Variants in ASIC5 observed in about 807,000 individuals in gnomAD.
ASIC5 encodes acid sensing ion channel subunit family member 5, also known as bile acid-sensitive ion channel.
ASIC5 carries 52 observed loss-of-function variants against 51.2 expected under a neutral mutation model. The ratio of observed to expected loss-of-function variants is 1.02; its 90% CI spans 0.81 to 1.28. The LOEUF (loss-of-function observed/expected upper bound fraction) is 1.28. Ranked by LOEUF, ASIC5 falls within the 50% of genes most tolerant of loss-of-function variation. ASIC5 has a pLI of 0.00. For synonymous variants in ASIC5, 231 were observed against 200.7 expected (o/e 1.15, Z -1.28); for missense variants, 635 against 595.0 (o/e 1.07, Z -0.70).
chr4:155,838,764 G>C (rs1394229856), intron 7 of ASIC5, 49 bp downstream of exon 7: 3 of 1,150,696 alleles, frequency 2.6e-6, no homozygotes, highest in African/African-American at 3.1e-5. Context: ...ATATTACTTT[G>C]AGCAACTTTA....
At chr4:155,847,066 G>A (rs1042193435) in intron 4 of ASIC5, among the ~76,000 whole-genome samples, 6 of 152,018 alleles carry the variant, frequency 3.9e-5, no homozygotes, top group Non-Finnish European at 8.8e-5. Flanking sequence ...ATGACTGGTT[G>A]TTTAAGAAAG....
chr4:155,843,638 G>A (rs775903830), intron 5 of ASIC5, 43 bp downstream of exon 5: 1 of 1,600,788 alleles, frequency 6.2e-7, no homozygotes, highest in East Asian at 2.2e-5. Flanking sequence ...TGTGTTTGAT[G>A]CATTCACTAC....
intron 4 of ASIC5, among the ~76,000 whole-genome samples, chr4:155,848,539 G>A: frequency 6.6e-6 from 1 of 151,986 alleles, no homozygotes; most frequent in East Asian, 1.9e-4. Context: ...TAATTGTTAT[G>A]TTAAAATTAT....
intron 4 of ASIC5, among the ~76,000 whole-genome samples, chr4:155,849,102 C>T (rs1259243705): frequency 1.3e-5 from 2 of 152,042 alleles, no homozygotes; most frequent in African/African-American, 4.8e-5. Flanking sequence ...TTTACCAAGG[C>T]TTTTACTGGA....
rs377521529 is a variant in ASIC5 at position 155,836,816 on chromosome 4, T to A, written c.1108A>T (p.Asn370Tyr). ...TCACAAGAAACGGGGCAGCTAGAGT[T>A]ATGTGTTCCTACTGTACATAAATCC... ...FKDLCTVGTH[N>Y]SSCPVSCEEI... The change falls in exon 8 of 10, where the codon AAC becomes TAC. Residue 370 changes from asparagine to tyrosine, a missense_variant. By Grantham distance (143) the Asn-to-Tyr change is moderately radical. Transcript: ENST00000537611. 3.5e-5 allele frequency: 56 copies of A among 1,610,318 alleles called. No homozygotes were observed. In the African/African-American group the frequency reaches 7.1e-4, roughly 20 times the overall value.
At chr4:155,830,982 A>T (rs1740859015) in intron 9 of ASIC5, among the ~76,000 whole-genome samples, 1 of 152,160 alleles carries the variant, frequency 6.6e-6, no homozygotes, top group South Asian at 2.1e-4. Flanking sequence ...CTCAGCTGTG[A>T]TGTCTGACTG....
chr4:155,829,862 C>T lies in ASIC5; in HGVS notation c.1512G>A (p.Glu504=). 5 of 1,553,556 alleles carry T rather than the reference C, an allele frequency of 3.2e-6. No individual in the cohort carries two copies. Among genetic ancestry groups the T allele is most frequent in the South Asian group, 1.3e-5 (1 of 79,482 alleles). ...ATTTTATTCTAAGTGACCATTAACA[C>T]TCCTCTATCCTATTTTTATTTCCCA... ...NHLGNKNRIE[E]C Residue 504 remains glutamate, a synonymous_variant, in exon 10 of 10, where the codon GAG becomes GAA. Transcript: ENST00000537611.
chr4:155,852,166 C>G, intron 4 of ASIC5, 25 bp downstream of exon 4: 3 of 1,611,498 alleles, frequency 1.9e-6, no homozygotes, highest in Non-Finnish European at 1.7e-6. Flanking sequence ...TCTCGTTTGT[C>G]TTGAACCTGG....
intron 4 of ASIC5, among the ~76,000 whole-genome samples, chr4:155,849,567 A>G (rs1221534718): frequency 6.6e-6 from 1 of 152,056 alleles, no homozygotes; most frequent in East Asian, 1.9e-4. Flanking sequence ...GAGAAGAGAG[A>G]AAAATTATGT....
In ASIC5 at chr4:155,838,881, T is replaced by C. The variant is rs1741053688; in HGVS notation, c.1010-12A>G. On this transcript the variant is annotated splice_polypyrimidine_tract_variant and intron_variant, in intron 6 of 9. Coordinates refer to ENST00000537611, the MANE Select transcript of ASIC5 (RefSeq NM_017419.3). ...TTCTATCCCATATCCTTAAAAATAA[T>C]AAGTGTAACATATAGAGACTTTACA... 1.3e-6 allele frequency: 2 copies of C among 1,491,824 alleles called. No individual in the cohort carries two copies. The highest frequency in any genetic ancestry group is 1.9e-6 in the Non-Finnish European group (2 of 1,074,384). 92.4% of individuals were successfully genotyped at this position (1,491,824 alleles called of 1,614,324 possible).
rs144630610 is a variant in ASIC5 at position 155,863,513 on chromosome 4, C to T, written c.282G>A (p.Thr94=). The part of the protein sequence containing the change: ...LLNYFTWPTT[T]SIEVQYVEKM... ...TTTCCACATATTGAACCTCAATGGA[C>T]GTTGTGGTTGGCCATGTGAAGTAGT... Residue 94 remains threonine, a synonymous_variant, in exon 2 of 10, where the codon ACG becomes ACA. Coordinates refer to ENST00000537611, the MANE Select transcript of ASIC5 (RefSeq NM_017419.3). 1.9e-4 allele frequency: 306 copies of T among 1,613,656 alleles called. No individual in the cohort carries two copies. The highest frequency in any genetic ancestry group is 2.3e-4 in the Non-Finnish European group (276 of 1,179,818).
chr4:155,832,194 A>G (rs1157048454), intron 8 of ASIC5, among the ~76,000 whole-genome samples: 2 of 152,254 alleles, frequency 1.3e-5, no homozygotes, highest in African/African-American at 4.8e-5. Flanking sequence ...ATATTTACAA[A>G]CATCTAAATG....
At chr4:155,852,464 A>C in intron 3 of ASIC5, 148 bp from the exon 4 acceptor site, 1 of 514,244 alleles carries the variant, frequency 1.9e-6, no homozygotes, top group Non-Finnish European at 3.0e-6. Context: ...ATGTGTATTC[A>C]GTGATAGTTT....
chr4:155,847,520 A>T (rs1218051679), intron 4 of ASIC5, among the ~76,000 whole-genome samples: 1 of 152,106 alleles, frequency 6.6e-6, no homozygotes, highest in Admixed American at 6.5e-5. Context: ...CAGGAGTTCC[A>T]GACCAGCCTG....
rs762426145 is a variant in ASIC5, at chr4:155,842,308, T to C, written c.908A>G (p.Lys303Arg). The C allele has an allele frequency of 1.2e-6, 2 of 1,613,550 alleles. No individual in the cohort carries two copies. Among genetic ancestry groups the C allele is most frequent in the South Asian group, 2.2e-5 (2 of 91,048 alleles). Residue 303 changes from lysine to arginine, a missense_variant, in exon 6 of 10, where the codon AAG (lysine) becomes AGG (arginine). Physicochemically the swap from Lys to Arg is conservative, Grantham distance 26 (BLOSUM62 2). Transcript: ENST00000537611. ...GCTGTAGCTGCTAAAATTCTGCAGC[T>C]TGATGTTAGGATTGCATTCTCCCCA... Reference protein sequence around the residue: ...YPWGECNPNIKLQNFSSYSTS... With the variant: ...YPWGECNPNIRLQNFSSYSTS...
At chr4:155,854,423 T>G (rs1195739022) in intron 2 of ASIC5, 109 bp from the exon 3 acceptor site, 1 of 820,788 alleles carries the variant, frequency 1.2e-6, no homozygotes, top group Non-Finnish European at 1.9e-6. Context: ...TCCCACACTC[T>G]CCCTTATTTG....
At chr4:155,838,928 A>G (rs2111233125) in intron 6 of ASIC5, 59 bp from the exon 7 acceptor site, 1 of 913,988 alleles carries the variant, frequency 1.1e-6, no homozygotes, top group Admixed American at 2.2e-5. Flanking sequence ...AAGTGATCTA[A>G]TGACAAAAAT....
At position 155,830,026 on chromosome 4, in the gene ASIC5, C is replaced by A; in HGVS notation, c.1348G>T (p.Gly450Cys). ...ELLADLGGQL[G>C]LFCGASLITI... The stretch of plus-strand genomic sequence containing the variant: ...ATCAGACTGGCCCCACAAAATAGAC[C>A]CAGCTGACCACCAAGATCTGCTGTA... Residue 450 changes from glycine to cysteine, a missense_variant, in exon 10 of 10, where the codon GGT becomes TGT. Coordinates refer to ENST00000537611, the MANE Select transcript of ASIC5 (RefSeq NM_017419.3). 1.3e-6 allele frequency: 2 copies of A among 1,543,134 alleles called. No individual in the cohort carries two copies. Among genetic ancestry groups the A allele is most frequent in the Non-Finnish European group, 8.7e-7 (1 of 1,147,428 alleles).
In ASIC5 at chr4:155,829,817, G is replaced by T. The variant is rs754005287; in HGVS notation, c.*39C>A. The T allele has an allele frequency of 2.3e-6, 3 of 1,279,138 alleles. No homozygotes were observed. The highest frequency in any genetic ancestry group is 3.2e-6 in the Non-Finnish European group (3 of 938,918). The allele number at this position is 1,279,138 out of a possible 1,614,324, so 79.2% of individuals were successfully genotyped here. A position where few individuals can be genotyped will look rare whatever the true frequency, so the allele number is the denominator to read the frequency against. On this transcript the variant is annotated 3_prime_UTR_variant, in exon 10 of 10. Transcript: ENST00000537611. ...ATGAATTAGTCAAGATAAATCTGAA[G>T]GTATCATGAAAAGGAAACTATTTTA...
Sources: gnomAD v4.1 joint callset for allele counts (sites outside exome capture counted in the v4.1 genomes callset) on GRCh38, gnomAD v4.1.1 for gene constraint, MANE v1.5 for transcripts, NCBI Gene and HGNC (gene_info 2026-07-23, HGNC 2026-07-21) for gene names.